ZDHHC14: variants seen among roughly 807,000 people sequenced by gnomAD.
ZDHHC14 encodes palmitoyltransferase ZDHHC14.
Under a neutral mutation model 47.7 loss-of-function variants are expected in ZDHHC14, and 16 were observed. That is an observed-to-expected ratio of 0.34 (90% CI 0.23 to 0.51). The LOEUF (loss-of-function observed/expected upper bound fraction) is 0.51, where lower values mean the gene tolerates loss of function less well. Among genes scored for constraint, ZDHHC14 ranks in the 20% least tolerant of loss-of-function variants. The pLI is 0.97. For synonymous variants in ZDHHC14, 293 were observed against 278.9 expected (o/e 1.05, Z -0.50); for missense variants, 515 against 662.5 (o/e 0.78, Z 2.44).
chr6:157,520,227 A>G (rs1445521267), intron 1 of ZDHHC14, among the ~76,000 whole-genome samples: 1 of 152,168 alleles, frequency 6.6e-6, no homozygotes, highest in Non-Finnish European at 1.5e-5. Context: ...GCCTCCAGGA[A>G]GATTTAGCTG....
At position 157,388,860 on chromosome 6, in the gene ZDHHC14, G is replaced by A. The variant is rs545422317; in HGVS notation, c.245+6594G>A. Among the ~76,000 whole-genome samples the A allele has an allele frequency of 2.9e-4, 44 of 152,194 alleles. 1 individual carries two copies. The South Asian group carries it at 8.9e-3, about 31-fold the overall frequency. Reference sequence around the variant, plus strand: ...TCACATCAATGCTTTGAGTCTATTCGGTCCTCTCTCTTGGCCCAGTCTCAT... The same window carrying A: ...TCACATCAATGCTTTGAGTCTATTCAGTCCTCTCTCTTGGCCCAGTCTCAT... On this transcript the variant is annotated intron_variant, in intron 1 of 8. Transcript: ENST00000359775.
intron 2 of ZDHHC14, among the ~76,000 whole-genome samples, chr6:157,544,486 A>G (rs1012367796): frequency 2.6e-5 from 4 of 152,128 alleles, no homozygotes; most frequent in African/African-American, 9.7e-5. Context: ...CATCTCTACT[A>G]AAAATAAAAA....
intron 1 of ZDHHC14, among the ~76,000 whole-genome samples, chr6:157,414,548 A>AT: frequency 6.6e-6 from 1 of 152,300 alleles, no homozygotes; most frequent in East Asian, 1.9e-4. Flanking sequence ...AAGACAGTAT[A>AT]TGACTATGAG....
In ZDHHC14 at chr6:157,623,539, C is replaced by CTT. The variant is rs1194920593; in HGVS notation, c.566-4790_566-4789dup. 4.8e-3 allele frequency among the ~76,000 whole-genome samples: 604 copies of CTT among 126,168 alleles called. 13 individuals carry two copies. The highest frequency in any genetic ancestry group is 0.011 in the African/African-American group (344 of 31,764). The allele number at this position is 126,168 out of a possible 152,430, so 82.8% of individuals were successfully genotyped here. A position where few individuals can be genotyped will look rare whatever the true frequency, so the allele number is the denominator to read the frequency against. On this transcript the variant is annotated intron_variant, in intron 3 of 8. Transcript: ENST00000359775. ...GCAGCATGAGAACAGACTCATACATCTTTTTTTTTTTTTTTTTTTTTGAGA... is the reference window on the plus strand; with the variant it reads ...GCAGCATGAGAACAGACTCATACATCTTTTTTTTTTTTTTTTTTTTTTTGAGA...
rs71027341 is a variant in ZDHHC14, at chr6:157,495,695, A to ATTTT, written c.246-46866_246-46863dup. 3.6e-4 allele frequency among the ~76,000 whole-genome samples: 38 copies of ATTTT among 104,348 alleles called. 2 individuals carry two copies. The highest frequency in any genetic ancestry group is 6.3e-4 in the Admixed American group (5 of 7,928). The allele number at this position is 104,348 out of a possible 152,430, so 68.5% of individuals were successfully genotyped here. On this transcript the variant is annotated intron_variant, in intron 1 of 8. Transcript: ENST00000359775. The stretch of plus-strand genomic sequence containing the variant: ...GGAAATGTTGAGAAGTTCGGGTTGA[A>ATTTT]TTTTTTTTTTTTTTTTTTTTTTTTT...
At chr6:157,414,974 T>C (rs1333319728) in intron 1 of ZDHHC14, among the ~76,000 whole-genome samples, 2 of 152,168 alleles carry the variant, frequency 1.3e-5, no homozygotes, top group Non-Finnish European at 2.9e-5. Context: ...TTTGTTTGTC[T>C]CTATAGTTAC....
intron 2 of ZDHHC14, among the ~76,000 whole-genome samples, chr6:157,576,757 G>A (rs145607302): frequency 0.034 from 5,125 of 152,266 alleles, 112 homozygotes; most frequent in Non-Finnish European, 0.051. Flanking sequence ...ACTCCTCTTA[G>A]CAGAGCTTCC....
chr6:157,402,796 G>A (rs1229498054), intron 1 of ZDHHC14, among the ~76,000 whole-genome samples: 6 of 152,070 alleles, frequency 3.9e-5, no homozygotes, highest in African/African-American at 1.2e-4. Flanking sequence ...GGATGATCTC[G>A]GCTCATTCCA....
At chr6:157,609,743 C>T (rs1394610004) in intron 3 of ZDHHC14, among the ~76,000 whole-genome samples, 1 of 152,186 alleles carries the variant, frequency 6.6e-6, no homozygotes, top group African/African-American at 2.4e-5. Flanking sequence ...AAGGAGTAAG[C>T]AAGCCCTTCA....
intron 3 of ZDHHC14, among the ~76,000 whole-genome samples, chr6:157,616,268 CCTG>C (rs1784959399): frequency 6.6e-6 from 1 of 152,146 alleles, no homozygotes; most frequent in East Asian, 1.9e-4. Flanking sequence ...ATGACCACCT[CCTG>C]CTGACCACCT....
chr6:157,407,405 G>T (rs1347529477), intron 1 of ZDHHC14, among the ~76,000 whole-genome samples: 1 of 152,150 alleles, frequency 6.6e-6, no homozygotes, highest in Non-Finnish European at 1.5e-5. Flanking sequence ...GATGAAAGTC[G>T]CAGCTGTTTT....
intron 5 of ZDHHC14, among the ~76,000 whole-genome samples, chr6:157,640,394 A>G (rs1777193215): frequency 6.6e-6 from 1 of 152,138 alleles, no homozygotes; most frequent in Non-Finnish European, 1.5e-5. Context: ...GGCCTAATAC[A>G]CATGGTCTGT....
intron 1 of ZDHHC14, among the ~76,000 whole-genome samples, chr6:157,461,925 C>T (rs1779096985): frequency 6.6e-6 from 1 of 152,216 alleles, no homozygotes; most frequent in Non-Finnish European, 1.5e-5. Flanking sequence ...GATCCTCATA[C>T]ACTAAAGGTC....
At chr6:157,605,234 T>C (rs1784492764) in intron 3 of ZDHHC14, among the ~76,000 whole-genome samples, 1 of 152,232 alleles carries the variant, frequency 6.6e-6, no homozygotes, top group African/African-American at 2.4e-5. Context: ...TTATTTTGTT[T>C]TAAAAAAGGT....
intron 2 of ZDHHC14, among the ~76,000 whole-genome samples, chr6:157,572,624 C>T (rs1783143724): frequency 6.7e-6 from 1 of 149,358 alleles, no homozygotes; most frequent in Non-Finnish European, 1.5e-5. Flanking sequence ...AGGTATATCT[C>T]CTAATGCTAT....
chr6:157,437,051 C>T (rs1778454395), intron 1 of ZDHHC14, among the ~76,000 whole-genome samples: 1 of 152,170 alleles, frequency 6.6e-6, no homozygotes. Flanking sequence ...GTGCATGTGA[C>T]ATGGTGACAA....
intron 1 of ZDHHC14, among the ~76,000 whole-genome samples, chr6:157,531,469 C>A (rs899658149): frequency 3.3e-5 from 5 of 152,012 alleles, no homozygotes; most frequent in Admixed American, 6.6e-5. Context: ...GCCTCTGACA[C>A]CCCCTCCAGA....
intron 1 of ZDHHC14, among the ~76,000 whole-genome samples, chr6:157,438,061 AT>A (rs1778480087): frequency 1.3e-5 from 2 of 152,280 alleles, no homozygotes; most frequent in East Asian, 1.9e-4. Context: ...AATTTTAATC[AT>A]TTTAACTGTA....
rs1187065924 is a variant in ZDHHC14 at position 157,579,190 on chromosome 6, GTTTTTTTTTTTT to G, written c.407-13783_407-13772del. 1.0e-3 allele frequency among the ~76,000 whole-genome samples: 65 copies of G among 63,968 alleles called. 1 individual carries two copies. The highest frequency in any genetic ancestry group is 2.5e-3 in the South Asian group (4 of 1,586). 42.0% of individuals were successfully genotyped at this position (63,968 alleles called of 152,430 possible). ...GCCATTTTAATGATATTGATTCTGT[GTTTTTTTTTTTT>G]TTTTTTTTTTTTTTGGATGGAGTCT... On this transcript the variant is annotated intron_variant, in intron 2 of 8. Transcript: ENST00000359775.
Sources: allele counts gnomAD v4.1 joint callset (sites outside exome capture counted in the v4.1 genomes callset), GRCh38; gene constraint gnomAD v4.1.1; transcripts MANE v1.5; gene names NCBI Gene and HGNC (gene_info 2026-07-23, HGNC 2026-07-21).